Variants in ARNT2 observed in about 807,000 individuals in gnomAD.
ARNT2 encodes ARNT protein 2.
In ARNT2, 36 loss-of-function variants were observed where a neutral mutation model predicts 91.7. The ratio of observed to expected loss-of-function variants is 0.39; its 90% CI spans 0.30 to 0.52. The LOEUF (loss-of-function observed/expected upper bound fraction) is 0.52. Among genes scored for constraint, ARNT2 ranks in the 20% least tolerant of loss-of-function variants. The probability of loss-of-function intolerance (pLI) is 0.72; values close to 1 mark genes in which losing one functional copy is unlikely to be tolerated. For missense variants in ARNT2, 775 were observed against 939.3 expected (o/e 0.83, Z 2.29); for synonymous variants, 365 against 347.1 (o/e 1.05, Z -0.57).
intron 5 of ARNT2, among the ~76,000 whole-genome samples, chr15:80,488,236 T>TTC (rs1468557897): frequency 6.6e-6 from 1 of 152,152 alleles, no homozygotes; most frequent in Admixed American, 6.5e-5. Context: ...GCGGTGAAAG[T>TTC]TCTCTTCAGT....
chr15:80,454,998 A>T (rs1345067403), intron 2 of ARNT2, among the ~76,000 whole-genome samples: 1 of 152,176 alleles, frequency 6.6e-6, no homozygotes, highest in African/African-American at 2.4e-5. Flanking sequence ...TCATATTTTG[A>T]TTTCTCTCCT....
At chr15:80,459,144 A>G (rs1466568301) in intron 3 of ARNT2, among the ~76,000 whole-genome samples, 3 of 152,186 alleles carry the variant, frequency 2.0e-5, no homozygotes, top group Non-Finnish European at 4.4e-5. Flanking sequence ...AACTCGCATC[A>G]TGCCATACAC....
Position 80,575,085 on chromosome 15 carries a change from T to A in ARNT2, c.1488T>A (p.Ala496=), listed in dbSNP as rs768902442. The change falls in exon 14 of 19, where the codon GCT becomes GCA. Residue 496 remains alanine (A), a synonymous_variant. Transcript: ENST00000303329. The stretch of plus-strand genomic sequence containing the variant: ...CCCAGGAAAGAGATCCTCGGTTTGC[T>A]GAAATGTTTGCAGGAATTAGTGCAT... The part of the protein sequence containing the change: ...IFSQERDPRF[A]EMFAGISASE... 16 of 1,614,072 alleles carry A rather than the reference T, an allele frequency of 9.9e-6. No homozygotes were observed. The highest frequency in any genetic ancestry group is 1.3e-5 in the African/African-American group (1 of 74,920).
rs572594528 is a variant in ARNT2 at position 80,597,550 on chromosome 15, G to A, written c.*3852G>A. On this transcript the variant is annotated 3_prime_UTR_variant, in exon 19 of 19. Coordinates refer to ENST00000303329, the MANE Select transcript of ARNT2 (RefSeq NM_014862.4). ...CAGTGGTGCAGGCACATTTCCAAGC[G>A]TAGGTGTCCCTGGCTTTTGTGGCCA... 14 of 237,408 alleles carry A rather than the reference G, an allele frequency of 5.9e-5. No homozygotes were observed. The highest frequency in any genetic ancestry group is 2.1e-4 in the East Asian group (2 of 9,548). 14.7% of individuals were successfully genotyped at this position (237,408 alleles called of 1,614,324 possible).
intron 1 of ARNT2, among the ~76,000 whole-genome samples, chr15:80,448,988 A>AAAAAC (rs368146696): frequency 0.028 from 4,326 of 152,160 alleles, 214 homozygotes; most frequent in African/African-American, 0.099. Context: ...CCGTCTCAAA[A>AAAAAC]AAAACAAAAC....
chr15:80,452,423 G>A (rs931348196), intron 2 of ARNT2, among the ~76,000 whole-genome samples: 2 of 152,202 alleles, frequency 1.3e-5, no homozygotes, highest in African/African-American at 4.8e-5. Flanking sequence ...GTGGCTCACC[G>A]CTGGGGCTTC....
intron 4 of ARNT2, among the ~76,000 whole-genome samples, chr15:80,473,852 A>C (rs1467629013): frequency 2.6e-5 from 4 of 152,128 alleles, no homozygotes; most frequent in Non-Finnish European, 5.9e-5. Context: ...TTTTGCCTTC[A>C]CTCTGCTGGC....
intron 5 of ARNT2, among the ~76,000 whole-genome samples, chr15:80,507,640 G>A (rs903985343): frequency 6.6e-6 from 1 of 152,210 alleles, no homozygotes. Context: ...CATGTACAGT[G>A]AGAAGAGAAG....
intron 8 of ARNT2, among the ~76,000 whole-genome samples, chr15:80,527,336 A>G (rs1267207583): frequency 6.6e-6 from 1 of 152,224 alleles, no homozygotes; most frequent in Non-Finnish European, 1.5e-5. Flanking sequence ...TAGGGGAAAC[A>G]TGCATGTAGG....
intron 8 of ARNT2, among the ~76,000 whole-genome samples, chr15:80,519,685 T>TG (rs1897502538): frequency 1.0e-5 from 1 of 98,834 alleles, no homozygotes; most frequent in Non-Finnish European, 1.9e-5. Flanking sequence ...GGTATGTAGC[T>TG]TTTTTTTTTT....
intron 7 of ARNT2, 77 bp downstream of exon 7, chr15:80,514,053 T>G: frequency 7.1e-7 from 1 of 1,400,914 alleles, no homozygotes; most frequent in Non-Finnish European, 1.0e-6. Flanking sequence ...GCAGCCTAGA[T>G]TAAAGAAGGG....
chr15:80,586,582 C>G (rs1303446675), intron 17 of ARNT2, among the ~76,000 whole-genome samples: 1 of 152,090 alleles, frequency 6.6e-6, no homozygotes, highest in Non-Finnish European at 1.5e-5. Flanking sequence ...TTTGTTATTC[C>G]AGGCTGGGTG....
At chr15:80,413,310 A>G (rs558010307) in intron 1 of ARNT2, among the ~76,000 whole-genome samples, 30 of 151,862 alleles carry the variant, frequency 2.0e-4, no homozygotes, top group Non-Finnish European at 4.1e-4. Flanking sequence ...CGCTGGTGCC[A>G]CTAACTTACC....
At chr15:80,519,544 G>A (rs74404176) in intron 8 of ARNT2, among the ~76,000 whole-genome samples, 5,110 of 152,210 alleles carry the variant, frequency 0.034, 166 homozygotes, top group African/African-American at 0.085. Context: ...ATGTCTTTGA[G>A]TTCTGTCCTT....
intron 6 of ARNT2, 143 bp from the exon 7 acceptor site, chr15:80,513,768 C>A: frequency 1.6e-6 from 1 of 617,106 alleles, no homozygotes; most frequent in Non-Finnish European, 2.8e-6. Flanking sequence ...TCTGCTTCTG[C>A]ACTTTTGAAG....
chr15:80,523,930 G>T (rs1163716853), intron 8 of ARNT2, among the ~76,000 whole-genome samples: 1 of 152,198 alleles, frequency 6.6e-6, no homozygotes, highest in Non-Finnish European at 1.5e-5. Flanking sequence ...AAGGAGCCAG[G>T]GGTGTTTATC....
chr15:80,514,192 T>C (rs1381568171), intron 7 of ARNT2, 128 bp from the exon 8 acceptor site: 2 of 1,036,740 alleles, frequency 1.9e-6, no homozygotes, highest in Non-Finnish European at 3.0e-6. Flanking sequence ...CACAGGATGG[T>C]GAGGAGTCAA....
At chr15:80,504,132 G>A (rs1230719517) in intron 5 of ARNT2, among the ~76,000 whole-genome samples, 1 of 152,214 alleles carries the variant, frequency 6.6e-6, no homozygotes, top group African/African-American at 2.4e-5. Flanking sequence ...GGCTTGGGGA[G>A]GGTGACTTCT....
chr15:80,407,371 A>G (rs1446334), intron 1 of ARNT2, among the ~76,000 whole-genome samples: 20,104 of 152,092 alleles, frequency 0.13, 1,616 homozygotes, highest in East Asian at 0.17. Context: ...CATGTTACTC[A>G]TGTTACTCTG....
Sources: gnomAD v4.1 joint callset for allele counts (sites outside exome capture counted in the v4.1 genomes callset) on GRCh38, gnomAD v4.1.1 for gene constraint, MANE v1.5 for transcripts, NCBI Gene and HGNC (gene_info 2026-07-23, HGNC 2026-07-21) for gene names.